The following RAD51B variants were observed in gnomAD, a reference collection of about 807,000 sequenced individuals.
RAD51B encodes RAD51 paralog B, also known as DNA repair protein RAD51 homolog 2.
In RAD51B, 38 loss-of-function variants were observed where a neutral mutation model predicts 42.2. The ratio of observed to expected loss-of-function variants is 0.90; its 90% CI spans 0.70 to 1.18. The LOEUF (loss-of-function observed/expected upper bound fraction) is 1.18. RAD51B is among the 50% of genes most tolerant of loss of function. RAD51B has a pLI of 0.00. For missense variants in RAD51B, 373 were observed against 400.7 expected (o/e 0.93, Z 0.59); for synonymous variants, 154 against 145.2 (o/e 1.06, Z -0.43).
intron 8 of RAD51B, among the ~76,000 whole-genome samples, chr14:68,292,723 T>A (rs774089672): frequency 1.1e-4 from 17 of 152,218 alleles, no homozygotes; most frequent in Non-Finnish European, 2.2e-4. Context: ...CAGGAGACTT[T>A]TAGGCCTAGC....
At chr14:68,027,892 ACT>A (rs1227828510) in intron 7 of RAD51B, among the ~76,000 whole-genome samples, 46 of 151,884 alleles carry the variant, frequency 3.0e-4, no homozygotes, top group African/African-American at 1.1e-3. Context: ...TTAAGTGGAC[ACT>A]CTGGCTTTTT....
chr14:68,537,467 C>G (rs1887702954), intron 10 of RAD51B, among the ~76,000 whole-genome samples: 2 of 150,870 alleles, frequency 1.3e-5, no homozygotes, highest in African/African-American at 4.9e-5. Context: ...CCACTGTACT[C>G]CAGCCTGGGC....
chr14:67,825,926 C>T (rs2040817643), intron 3 of RAD51B, among the ~76,000 whole-genome samples: 1 of 152,052 alleles, frequency 6.6e-6, no homozygotes, highest in Non-Finnish European at 1.5e-5. Context: ...GATGGGATTT[C>T]ACCTTATTGG....
chr14:68,468,373 T>C (rs2086038446), intron 10 of RAD51B, 123 bp downstream of exon 10: 1 of 1,031,910 alleles, frequency 9.7e-7, no homozygotes, highest in South Asian at 1.3e-5. Flanking sequence ...CCAAGATGCA[T>C]TGGCCAGTGA....
In RAD51B at chr14:68,084,461, C is replaced by G. The variant is rs537400210; in HGVS notation, c.756+197257C>G. Among the ~76,000 whole-genome samples the G allele has an allele frequency of 2.0e-5, 3 of 152,270 alleles. No individual in the cohort carries two copies. In the South Asian group the frequency reaches 6.2e-4, roughly 32 times the overall value. ...ATCTCTGACTTCTACCCACTAGATG[C>G]CAGTAGCAGCACTCCCTTGGGGGAC... On this transcript the variant is annotated intron_variant, in intron 7 of 10. Transcript: ENST00000471583.
chr14:68,679,282 C>G (rs894411792), intron 11 of RAD51B, among the ~76,000 whole-genome samples: 1 of 152,052 alleles, frequency 6.6e-6, no homozygotes, highest in Non-Finnish European at 1.5e-5. Context: ...AACAAACAAA[C>G]AAACAAAAAA....
At chr14:68,183,671 G>T (rs1450916587) in intron 7 of RAD51B, among the ~76,000 whole-genome samples, 2 of 152,158 alleles carry the variant, frequency 1.3e-5, no homozygotes, top group Non-Finnish European at 2.9e-5. Flanking sequence ...AGTTGGGCTA[G>T]GCACGATGGT....
intron 10 of RAD51B, among the ~76,000 whole-genome samples, chr14:68,635,753 A>G (rs1005162612): frequency 2.0e-5 from 3 of 152,216 alleles, no homozygotes; most frequent in African/African-American, 7.2e-5. Flanking sequence ...TGGCTATTGT[A>G]TTAGATAGGG....
intron 10 of RAD51B, among the ~76,000 whole-genome samples, chr14:68,593,847 G>A (rs993429639): frequency 9.9e-5 from 15 of 152,166 alleles, no homozygotes; most frequent in African/African-American, 2.9e-4. Context: ...TGGGAAGGGG[G>A]ATGGAAGGCA....
chr14:68,135,016 T>C (rs1180641101), intron 7 of RAD51B, among the ~76,000 whole-genome samples: 1 of 152,220 alleles, frequency 6.6e-6, no homozygotes, highest in African/African-American at 2.4e-5. Flanking sequence ...ATCTTAAGAA[T>C]TTTAAATTGC....
chr14:67,870,107 G>A (rs1051588271), intron 5 of RAD51B, among the ~76,000 whole-genome samples: 7 of 149,762 alleles, frequency 4.7e-5, no homozygotes. Flanking sequence ...AATGTAAATG[G>A]ACTAAATGCT....
chr14:68,449,949 A>C (rs1268438995), intron 9 of RAD51B, among the ~76,000 whole-genome samples: 1 of 152,230 alleles, frequency 6.6e-6, no homozygotes, highest in African/African-American at 2.4e-5. Flanking sequence ...GTCCCATAGT[A>C]ATTAGGCAGA....
chr14:67,953,488 G>T (rs34573201), intron 7 of RAD51B, among the ~76,000 whole-genome samples: 1 of 152,268 alleles, frequency 6.6e-6, no homozygotes, highest in South Asian at 2.1e-4. Context: ...GCAGTGGGGA[G>T]TCCATGAAGA....
At chr14:68,631,549 C>T (rs541132065) in intron 10 of RAD51B, among the ~76,000 whole-genome samples, 1 of 152,200 alleles carries the variant, frequency 6.6e-6, no homozygotes, top group African/African-American at 2.4e-5. Context: ...CAAGAGAGGC[C>T]CTCATGCCAC....
At chr14:68,003,721 A>G (rs1235300037) in intron 7 of RAD51B, among the ~76,000 whole-genome samples, 1 of 152,160 alleles carries the variant, frequency 6.6e-6, no homozygotes, top group African/African-American at 2.4e-5. Context: ...GAGAGTTTAA[A>G]CATGAAAGGA....
chr14:68,006,714 G>A, intron 7 of RAD51B, among the ~76,000 whole-genome samples: 1 of 151,968 alleles, frequency 6.6e-6, no homozygotes, highest in East Asian at 1.9e-4. Context: ...TTATTGATAG[G>A]AATTTGAATT....
chr14:68,330,002 T>C (rs1210649458), intron 8 of RAD51B, among the ~76,000 whole-genome samples: 1 of 145,414 alleles, frequency 6.9e-6, no homozygotes, highest in Non-Finnish European at 1.5e-5. Flanking sequence ...AAAAAAAAAT[T>C]GATAGCATGA....
rs35337258 is a variant in RAD51B at position 67,978,296 on chromosome 14, A to G, written c.756+91092A>G. Among the ~76,000 whole-genome samples, 226 of 152,294 alleles carry G rather than the reference A, an allele frequency of 1.5e-3. 1 individual carries two copies. Among genetic ancestry groups the G allele is most frequent in the Admixed American group, 3.7e-3 (57 of 15,296 alleles). On this transcript the variant is annotated intron_variant, in intron 7 of 10. Transcript: ENST00000471583. ...AGAAATTAAGAAAGTGAAAAAGGCT[A>G]AAGTTCTTGATTCTTACCTTTTATC...
chr14:68,228,428 G>A (rs567488770), intron 7 of RAD51B, among the ~76,000 whole-genome samples: 6 of 152,028 alleles, frequency 3.9e-5, no homozygotes, highest in Non-Finnish European at 8.8e-5. Flanking sequence ...CTTAATCAAT[G>A]TTGAATCATT....
Sources: allele counts gnomAD v4.1 joint callset (sites outside exome capture counted in the v4.1 genomes callset), GRCh38; gene constraint gnomAD v4.1.1; transcripts MANE v1.5; gene names NCBI Gene and HGNC (gene_info 2026-07-23, HGNC 2026-07-21).